The following TMTC2 variants were observed in gnomAD, a reference collection of about 807,000 sequenced individuals.
TMTC2 encodes transmembrane O-mannosyltransferase targeting cadherins 2.
Under a neutral mutation model 82.4 loss-of-function variants are expected in TMTC2, and 43 were observed. The observed-to-expected ratio is 0.52, with a 90% CI of 0.41 to 0.67. The LOEUF (loss-of-function observed/expected upper bound fraction) is 0.67. TMTC2 is among the 30% of genes least tolerant of loss of function. The pLI, the probability that TMTC2 is intolerant of heterozygous loss-of-function variation, is 0.00. For synonymous variants in TMTC2, 408 were observed against 381.9 expected, an observed-to-expected ratio of 1.07 and a Z score of -0.80; for missense variants, 919 against 1,012.4, an observed-to-expected ratio of 0.91 and a Z score of 1.25.
chr12:82,862,238 T>G (rs978426950), intron 2 of TMTC2, among the ~76,000 whole-genome samples: 15 of 152,232 alleles, frequency 9.9e-5, no homozygotes, highest in African/African-American at 3.6e-4. Context: ...AAGCCTCTCA[T>G]GACCCCAGGA....
intron 3 of TMTC2, among the ~76,000 whole-genome samples, chr12:82,907,162 C>T (rs759892465): frequency 1.2e-4 from 18 of 151,960 alleles, no homozygotes; most frequent in African/African-American, 2.2e-4. Context: ...GAAGTTCAGA[C>T]GCCTTTAAGA....
rs11115367 is a variant in TMTC2 at position 82,735,537 on chromosome 12, A to G, written c.83+47868A>G. Among the ~76,000 whole-genome samples, 1,270 of 151,766 alleles carry G rather than the reference A, an allele frequency of 8.4e-3. 16 individuals are homozygous for G. Among genetic ancestry groups the G allele is most frequent in the African/African-American group, 0.028 (1,161 of 41,424 alleles). On this transcript the variant is annotated intron_variant, in intron 1 of 11. Coordinates refer to ENST00000321196, the MANE Select transcript of TMTC2 (RefSeq NM_152588.3). ...ATTTTTTGTATTTTTAGTAGAGACG[A>G]AGTTTCACTGTGTTAGCCAGGATGG... is the stretch of plus-strand genomic sequence containing the variant.
intron 11 of TMTC2, among the ~76,000 whole-genome samples, chr12:83,111,290 T>C: frequency 6.6e-6 from 1 of 152,328 alleles, no homozygotes; most frequent in East Asian, 1.9e-4. Context: ...TCCAGCAAAC[T>C]TTTGTTGTAA....
chr12:82,789,668 A>C (rs1290285670), intron 1 of TMTC2, among the ~76,000 whole-genome samples: 1 of 152,176 alleles, frequency 6.6e-6, no homozygotes, highest in African/African-American at 2.4e-5. Context: ...AATCTAAAGA[A>C]ACTTGTGTTA....
chr12:82,760,047 T>A (rs749831144), intron 1 of TMTC2: 9 of 152,178 alleles, frequency 5.9e-5, no homozygotes, highest in Non-Finnish European at 1.0e-4. Context: ...GTTTTGTGTT[T>A]TTCTTAGTTT....
In TMTC2 at chr12:82,764,898, A is replaced by T. The variant is rs928063890; in HGVS notation, c.83+77229A>T. ...AATAGGGCAGAGGAAAAATGCAGGG[A>T]ATCTGCATTTTACGTAAGACAACAC... On this transcript the variant is annotated intron_variant, in intron 1 of 11. Coordinates refer to ENST00000321196, the MANE Select transcript of TMTC2 (RefSeq NM_152588.3). Among the ~76,000 whole-genome samples the T allele has an allele frequency of 2.7e-5, 4 of 150,456 alleles. 1 individual carries two copies. Among genetic ancestry groups the T allele is most frequent in the East Asian group, 3.9e-4 (2 of 5,132 alleles).
chr12:82,745,330 C>T (rs187071291), intron 1 of TMTC2, among the ~76,000 whole-genome samples: 1 of 152,104 alleles, frequency 6.6e-6, no homozygotes, highest in African/African-American at 2.4e-5. Context: ...ACAACTGTCA[C>T]AAAGAATGCT....
Position 83,132,231 on chromosome 12 carries a change from CT to C in TMTC2, c.2354del (p.Leu785ArgfsTer47). The C allele has an allele frequency of 1.2e-6, 2 of 1,611,748 alleles. No individual in the cohort carries two copies. Among genetic ancestry groups the C allele is most frequent in the Non-Finnish European group, 1.7e-6 (2 of 1,179,130 alleles). On this transcript the variant is annotated frameshift_variant, in exon 12 of 12. Transcript: ENST00000321196. LOFTEE classifies it high-confidence loss of function. ...GCAGTATCCGGCTGCTTTGATGAAC[CT>C]GGGAGCCATTCTGCACCTCAATGGC... Reference protein sequence around the residue: ...RPNYPAALMNLGAILHLNGRL... With the variant: ...RPNYPAALMNXGAILHLNGRL...
chr12:82,939,574 A>G (rs1193829893), intron 4 of TMTC2, among the ~76,000 whole-genome samples: 2 of 152,182 alleles, frequency 1.3e-5, no homozygotes, highest in Non-Finnish European at 2.9e-5. Flanking sequence ...TAAAATTCCC[A>G]TTATAATTTA....
intron 1 of TMTC2, among the ~76,000 whole-genome samples, chr12:82,814,783 T>C (rs1450775250): frequency 6.6e-6 from 1 of 152,128 alleles, no homozygotes; most frequent in African/African-American, 2.4e-5. Context: ...TTGAGGAACA[T>C]TATTTTAGGA....
intron 1 of TMTC2, among the ~76,000 whole-genome samples, chr12:82,771,412 C>T (rs1446554248): frequency 6.6e-6 from 1 of 151,996 alleles, no homozygotes; most frequent in African/African-American, 2.4e-5. Flanking sequence ...ATTCTGACTT[C>T]CCTTGAAAAC....
intron 3 of TMTC2, among the ~76,000 whole-genome samples, chr12:82,899,579 A>G (rs1284974938): frequency 7.8e-6 from 1 of 128,658 alleles, no homozygotes; most frequent in South Asian, 2.3e-4. Flanking sequence ...TGTGGAATAT[A>G]TATATATAAG....
intron 11 of TMTC2, among the ~76,000 whole-genome samples, chr12:83,105,056 A>G (rs550669148): frequency 1.9e-4 from 29 of 152,250 alleles, no homozygotes; most frequent in African/African-American, 7.0e-4. Context: ...TAGTACATGG[A>G]CACAGTACCA....
In TMTC2 at chr12:83,016,018, T is replaced by G. The variant is rs534501347; in HGVS notation, c.2071-14780T>G. Among the ~76,000 whole-genome samples the G allele has an allele frequency of 1.4e-4, 22 of 152,352 alleles. No individual in the cohort carries two copies. The South Asian group carries it at 3.5e-3, about 24-fold the overall frequency. On this transcript the variant is annotated intron_variant, in intron 8 of 11. Coordinates refer to ENST00000321196, the MANE Select transcript of TMTC2 (RefSeq NM_152588.3). Reference sequence around the variant, plus strand: ...TTGCTTACTAAACATTGCTGTTTTCTATAGATCTTTCTTTATTTGTAAGTC... The same window carrying G: ...TTGCTTACTAAACATTGCTGTTTTCGATAGATCTTTCTTTATTTGTAAGTC...
chr12:82,899,661 A>G (rs1390636385), intron 3 of TMTC2, among the ~76,000 whole-genome samples: 2 of 141,212 alleles, frequency 1.4e-5, no homozygotes, highest in Admixed American at 1.5e-4. Context: ...GAATATATAT[A>G]TAAGAATATA....
At chr12:82,919,339 T>G (rs2137225309) in intron 3 of TMTC2, among the ~76,000 whole-genome samples, 1 of 152,318 alleles carries the variant, frequency 6.6e-6, no homozygotes, top group South Asian at 2.1e-4. Flanking sequence ...TACCTCCCAA[T>G]GCAGTTACAT....
At chr12:82,834,476 C>T (rs1474426717) in intron 1 of TMTC2, among the ~76,000 whole-genome samples, 2 of 152,210 alleles carry the variant, frequency 1.3e-5, no homozygotes, top group Non-Finnish European at 2.9e-5. Flanking sequence ...GTTCCTTCAA[C>T]ATCTAGCTTT....
At chr12:82,752,522 T>C (rs1218509362) in intron 1 of TMTC2, among the ~76,000 whole-genome samples, 2 of 151,920 alleles carry the variant, frequency 1.3e-5, no homozygotes, top group Non-Finnish European at 2.9e-5. Context: ...ATCTTAGGGC[T>C]GGAGTTACCC....
chr12:82,908,589 TG>T (rs1425454847), intron 3 of TMTC2, among the ~76,000 whole-genome samples: 1 of 152,188 alleles, frequency 6.6e-6, no homozygotes, highest in Non-Finnish European at 1.5e-5. Flanking sequence ...GTTTTTCATC[TG>T]TATTTCTGAG....
Sources: allele counts gnomAD v4.1 joint callset (sites outside exome capture counted in the v4.1 genomes callset), GRCh38; gene constraint gnomAD v4.1.1; transcripts MANE v1.5; gene names NCBI Gene and HGNC (gene_info 2026-07-23, HGNC 2026-07-21).